ZNF695: variants seen among roughly 807,000 people sequenced by gnomAD.
ZNF695 encodes the protein zinc finger protein SBZF3.
Under a neutral mutation model 11.2 loss-of-function variants are expected in ZNF695, and 11 were observed. The observed-to-expected ratio is 0.98, with a 90% CI of 0.62 to 1.62. The LOEUF is 1.62. Ranked by LOEUF, ZNF695 falls within the 40% of genes most tolerant of loss-of-function variation. ZNF695 has a pLI of 0.00. For synonymous variants in ZNF695, 190 were observed against 201.4 expected (o/e 0.94, Z 0.48); for missense variants, 559 against 590.5 (o/e 0.95, Z 0.55).
chr1:246,971,433 A>G (rs905882637), intron 4 of ZNF695, among the ~76,000 whole-genome samples: 19 of 152,058 alleles, frequency 1.2e-4, no homozygotes, highest in African/African-American at 4.3e-4. Flanking sequence ...CTTCCACAAG[A>G]GGTGGTGGAG....
chr1:246,973,254 AG>A (rs1668474725), intron 4 of ZNF695, among the ~76,000 whole-genome samples: 1 of 151,986 alleles, frequency 6.6e-6, no homozygotes, highest in Non-Finnish European at 1.5e-5. Context: ...TCTCCATGTC[AG>A]TCAGGCTGGT....
intron 3 of ZNF695, among the ~76,000 whole-genome samples, chr1:246,998,427 T>C (rs1216206700): frequency 6.6e-6 from 1 of 152,186 alleles, no homozygotes; most frequent in African/African-American, 2.4e-5. Flanking sequence ...AAATTACAAA[T>C]CTCAGTTCAC....
chr1:246,945,566 T>C (rs907654536), downstream of ZNF695: 5 of 505,282 alleles, frequency 9.9e-6, no homozygotes, highest in Middle Eastern at 5.4e-4. Context: ...CATTTTCTTT[T>C]CTATTCATGG....
intron 5 of ZNF695, among the ~76,000 whole-genome samples, chr1:246,953,906 A>G (rs1301856451): frequency 1.3e-5 from 2 of 151,188 alleles, no homozygotes; most frequent in Non-Finnish European, 3.0e-5. Flanking sequence ...AGCCTGGGCG[A>G]CAGAGTGAGA....
intron 5 of ZNF695, among the ~76,000 whole-genome samples, chr1:246,957,161 T>A (rs1424693697): frequency 6.6e-6 from 1 of 152,042 alleles, no homozygotes; most frequent in Non-Finnish European, 1.5e-5. Flanking sequence ...GGCCGGCAGA[T>A]CATGAGGTCA....
At chr1:246,965,161 G>A (rs1668255253) in intron 5 of ZNF695, among the ~76,000 whole-genome samples, 1 of 151,462 alleles carries the variant, frequency 6.6e-6, no homozygotes, top group Non-Finnish European at 1.5e-5. Context: ...AGGTCAGAAG[G>A]TGGAGACCAT....
At chr1:246,976,636 T>TGC (rs1432167257) in intron 4 of ZNF695, among the ~76,000 whole-genome samples, 2 of 151,254 alleles carry the variant, frequency 1.3e-5, no homozygotes, top group African/African-American at 4.9e-5. Context: ...CTACTAAAAA[T>TGC]ACAAAAAATT....
chr1:246,982,400 T>G (rs980257333), downstream of ZNF695, among the ~76,000 whole-genome samples: 6 of 152,184 alleles, frequency 3.9e-5, no homozygotes, highest in African/African-American at 1.2e-4. Context: ...AAGTGTTTCA[T>G]AGAAAATTAA....
intron 3 of ZNF695, among the ~76,000 whole-genome samples, chr1:246,988,650 G>A (rs1200974284): frequency 6.6e-6 from 1 of 152,138 alleles, no homozygotes; most frequent in African/African-American, 2.4e-5. Flanking sequence ...AACAAAAGCT[G>A]AGGTATTTCA....
chr1:246,958,275 T>G (rs34653063), intron 5 of ZNF695, among the ~76,000 whole-genome samples: 27,732 of 151,732 alleles, frequency 0.18, 3,269 homozygotes, highest in African/African-American at 0.33. Flanking sequence ...AGCCAGGATG[T>G]TCTTGATCTC....
At chr1:246,945,862 T>C (rs1667721617) in intron 5 of ZNF695, 3 of 1,549,390 alleles carry the variant, frequency 1.9e-6, no homozygotes, top group Non-Finnish European at 2.6e-6. Context: ...CAGCTTAAGG[T>C]TCCGAGTAGC....
intron 1 of ZNF695, among the ~76,000 whole-genome samples, chr1:247,002,109 A>T (rs554491336): frequency 6.7e-6 from 1 of 149,390 alleles, no homozygotes; most frequent in Non-Finnish European, 1.5e-5. Flanking sequence ...CCAACAAATT[A>T]AAAAAAAAAC....
rs143169477 is a variant in ZNF695 at position 246,967,601 on chromosome 1, G to A, written c.488+94C>T. The A allele has an allele frequency of 2.6e-3, 1,013 of 391,594 alleles. 2 individuals are homozygous for A. The highest frequency in any genetic ancestry group is 4.4e-3 in the Middle Eastern group (12 of 2,734). 24.3% of individuals were successfully genotyped at this position (391,594 alleles called of 1,614,324 possible). On this transcript the variant is annotated intron_variant, in intron 5 of 5. Coordinates refer to the ZNF695 transcript ENST00000487338. ...GTTTCAGGGGAAGATCAGGAGTTTT[G>A]ACCTGGCCTTGTGTATTAATCCATT...
rs960791887 is a variant in ZNF695, at chr1:246,985,896, G to A, written c.*1071C>T. 87 of 985,200 alleles carry A rather than the reference G, an allele frequency of 8.8e-5. No homozygotes were observed. The highest frequency in any genetic ancestry group is 1.1e-4 in the East Asian group (1 of 8,814). The allele number at this position is 985,200 out of a possible 1,614,324, so 61.0% of individuals were successfully genotyped here. ...AAAAGGATATGAACAACACCCACCC[G>A]AATATAGAAGAAACTCTCACAGCTT... On this transcript the variant is annotated 3_prime_UTR_variant, in exon 4 of 4. Transcript: ENST00000339986.
intron 5 of ZNF695, among the ~76,000 whole-genome samples, chr1:246,959,356 C>T (rs1263847237): frequency 1.1e-5 from 1 of 91,818 alleles, no homozygotes; most frequent in African/African-American, 4.3e-5. Flanking sequence ...TATATAAAAT[C>T]TCTTTTCTGA....
intron 5 of ZNF695, among the ~76,000 whole-genome samples, chr1:246,947,209 T>TG (rs1188043643): frequency 1.4e-5 from 2 of 144,956 alleles, no homozygotes; most frequent in Non-Finnish European, 3.0e-5. Flanking sequence ...GGGGGTGGTT[T>TG]TTTTTTTAGA....
chr1:246,977,325 T>G (rs578078622), intron 4 of ZNF695, among the ~76,000 whole-genome samples: 1 of 152,198 alleles, frequency 6.6e-6, no homozygotes, highest in African/African-American at 2.4e-5. Context: ...GGTGTGATCT[T>G]GGCTCACTGC....
downstream of ZNF695, among the ~76,000 whole-genome samples, chr1:246,982,330 T>G (rs1406397582): frequency 6.6e-6 from 1 of 152,002 alleles, no homozygotes; most frequent in Admixed American, 6.6e-5. Flanking sequence ...ATTCTATTAT[T>G]GTTCAACACA....
intron 4 of ZNF695, among the ~76,000 whole-genome samples, chr1:246,977,506 C>CCACCA (rs2103016576): frequency 6.6e-6 from 1 of 152,320 alleles, no homozygotes; most frequent in South Asian, 2.1e-4. Context: ...CCCGCCTCAG[C>CCACCA]CTCCAAAAGT....
Sources: gnomAD v4.1 joint callset for allele counts (sites outside exome capture counted in the v4.1 genomes callset) on GRCh38, gnomAD v4.1.1 for gene constraint, MANE v1.5 for transcripts, NCBI Gene and HGNC (gene_info 2026-07-23, HGNC 2026-07-21) for gene names.